LRRC1: variants seen among roughly 807,000 people sequenced by gnomAD.
LRRC1 encodes leucine-rich repeat-containing protein 1.
LRRC1 carries 28 observed loss-of-function variants against 69.9 expected under a neutral mutation model. The ratio of observed to expected loss-of-function variants is 0.40; its 90% confidence interval spans 0.30 to 0.55. The LOEUF (loss-of-function observed/expected upper bound fraction) is 0.55. Ranked by LOEUF, LRRC1 falls within the 20% of genes least tolerant of loss-of-function variation. The pLI is 0.47. For missense variants in LRRC1, 498 were observed against 609.0 expected (o/e 0.82, Z 1.92); for synonymous variants, 236 against 240.2 (o/e 0.98, Z 0.16).
At position 53,920,715 on chromosome 6, in the gene LRRC1, C is replaced by A. The variant is rs774261475; in HGVS notation, c.1370C>A (p.Ala457Glu). 1.2e-6 allele frequency: 2 copies of A among 1,614,026 alleles called. No homozygotes were observed. Among genetic ancestry groups the A allele is most frequent in the African/African-American group, 1.3e-5 (1 of 74,970 alleles). The change falls in exon 13 of 14, where the codon GCG (alanine) becomes GAG (glutamate). Residue 457 changes from alanine to glutamate, a missense_variant. Physicochemically the swap from Ala to Glu is moderately radical, Grantham distance 107 (BLOSUM62 -1). Coordinates refer to ENST00000370888, the MANE Select transcript of LRRC1 (RefSeq NM_018214.5). ...WNERAVNRVS[A>E]IRFVEDEKDE... Reference sequence around the variant, plus strand: ...GAGCGTGCTGTCAACAGAGTCAGTGCGATCCGATTTGTGGAGGATGAGAAA... The same window carrying A: ...GAGCGTGCTGTCAACAGAGTCAGTGAGATCCGATTTGTGGAGGATGAGAAA...
intron 11 of LRRC1, among the ~76,000 whole-genome samples, chr6:53,918,047 C>G (rs1768625297): frequency 6.6e-6 from 1 of 152,210 alleles, no homozygotes; most frequent in Non-Finnish European, 1.5e-5. Context: ...TCTGCTGTTC[C>G]CTGAGGTTCC....
At chr6:53,828,177 AAAAAAAAAG>A (rs1006660744) in intron 1 of LRRC1, among the ~76,000 whole-genome samples, 2 of 151,832 alleles carry the variant, frequency 1.3e-5, no homozygotes, top group African/African-American at 4.8e-5. Flanking sequence ...GCCAAAAAAA[AAAAAAAAAG>A]AAACATGGGT....
intron 2 of LRRC1, among the ~76,000 whole-genome samples, chr6:53,874,247 A>G (rs1196782955): frequency 2.0e-5 from 3 of 152,160 alleles, no homozygotes; most frequent in Non-Finnish European, 4.4e-5. Context: ...ATTAAATAAG[A>G]TAATGTTTAT....
chr6:53,879,401 T>C (rs1767187754), intron 3 of LRRC1, among the ~76,000 whole-genome samples: 1 of 152,162 alleles, frequency 6.6e-6, no homozygotes, highest in East Asian at 1.9e-4. Context: ...TTCTCCTGCC[T>C]CAGCCTCCTG....
chr6:53,905,157 G>C (rs1281066541), intron 10 of LRRC1: 2 of 152,094 alleles, frequency 1.3e-5, no homozygotes, highest in East Asian at 3.9e-4. Flanking sequence ...GAGGTGTCTA[G>C]TGTGTTGTTT....
intron 7 of LRRC1, 25 bp downstream of exon 7, chr6:53,897,384 C>T (rs1209850875): frequency 1.3e-6 from 2 of 1,490,212 alleles, no homozygotes; most frequent in African/African-American, 2.8e-5. Context: ...CACAGTGTCT[C>T]CCCAAAACAT....
At chr6:53,838,541 T>C (rs1765676491) in intron 1 of LRRC1, among the ~76,000 whole-genome samples, 1 of 152,236 alleles carries the variant, frequency 6.6e-6, no homozygotes, top group Middle Eastern at 3.2e-3. Context: ...TTTGTAGTTT[T>C]GCTATTATGC....
intron 3 of LRRC1, among the ~76,000 whole-genome samples, chr6:53,880,863 G>T (rs920891723): frequency 6.6e-5 from 10 of 152,126 alleles, no homozygotes; most frequent in African/African-American, 1.9e-4. Context: ...TGTTGAACTG[G>T]ACTAAACTTA....
At chr6:53,903,010 G>A (rs1168714408) in intron 9 of LRRC1, among the ~76,000 whole-genome samples, 1 of 152,186 alleles carries the variant, frequency 6.6e-6, no homozygotes, top group African/African-American at 2.4e-5. Context: ...CCAGTGAGGT[G>A]TGGGGATAAG....
At chr6:53,918,295 AT>A (rs768902396) in intron 11 of LRRC1, among the ~76,000 whole-genome samples, 13 of 152,244 alleles carry the variant, frequency 8.5e-5, no homozygotes, top group Non-Finnish European at 1.9e-4. Context: ...CCCAATACAT[AT>A]GCATGAGATG....
intron 2 of LRRC1, among the ~76,000 whole-genome samples, chr6:53,844,679 C>T (rs536607812): frequency 5.9e-5 from 9 of 152,298 alleles, no homozygotes; most frequent in East Asian, 5.8e-4. Flanking sequence ...TATTTTTCCC[C>T]GCTCACTTTC....
chr6:53,875,014 A>AT (rs1295169262), intron 2 of LRRC1, among the ~76,000 whole-genome samples: 13 of 152,232 alleles, frequency 8.5e-5, no homozygotes, highest in Admixed American at 7.2e-4. Flanking sequence ...TACAATTGGC[A>AT]TTTTTTAAAA....
chr6:53,851,048 T>C (rs1042884889), intron 2 of LRRC1, among the ~76,000 whole-genome samples: 7 of 151,924 alleles, frequency 4.6e-5, no homozygotes, highest in Non-Finnish European at 7.4e-5. Flanking sequence ...AATATGACCA[T>C]TGATGACCAC....
intron 2 of LRRC1, among the ~76,000 whole-genome samples, chr6:53,854,486 G>A (rs1343924760): frequency 6.6e-6 from 1 of 152,152 alleles, no homozygotes; most frequent in African/African-American, 2.4e-5. Flanking sequence ...CTGTGTACCA[G>A]GTATGAGGCT....
chr6:53,894,118 T>A (rs1248965911), intron 4 of LRRC1, among the ~76,000 whole-genome samples: 1 of 152,222 alleles, frequency 6.6e-6, no homozygotes, highest in Non-Finnish European at 1.5e-5. Context: ...CAGAGACACC[T>A]GGAGATGCCT....
intron 1 of LRRC1, among the ~76,000 whole-genome samples, chr6:53,840,742 A>G (rs771496573): frequency 5.9e-5 from 9 of 151,926 alleles, no homozygotes; most frequent in Non-Finnish European, 1.0e-4. Context: ...GCTTATTTCT[A>G]ATTCTTCTAA....
At chr6:53,796,924 G>C (rs541888650) in intron 1 of LRRC1, among the ~76,000 whole-genome samples, 1 of 152,072 alleles carries the variant, frequency 6.6e-6, no homozygotes, top group Non-Finnish European at 1.5e-5. Context: ...GATATCACCA[G>C]GAATATAGAA....
At chr6:53,879,138 A>G in intron 3 of LRRC1, 67 bp downstream of exon 3, 1 of 1,091,748 alleles carries the variant, frequency 9.2e-7, no homozygotes, top group Non-Finnish European at 1.4e-6. Context: ...CAAGCGGAGA[A>G]CACAGTCAGG....
chr6:53,831,077 A>G (rs1581859649), intron 1 of LRRC1, among the ~76,000 whole-genome samples: 2 of 151,902 alleles, frequency 1.3e-5, no homozygotes, highest in African/African-American at 4.8e-5. Context: ...TTGTGGAAAT[A>G]CCACAATATA....
Sources: gnomAD v4.1 joint callset for allele counts (sites outside exome capture counted in the v4.1 genomes callset) on GRCh38, gnomAD v4.1.1 for gene constraint, MANE v1.5 for transcripts, NCBI Gene and HGNC (gene_info 2026-07-23, HGNC 2026-07-21) for gene names.